LEMD3: variants seen among roughly 807,000 people sequenced by gnomAD.
LEMD3 encodes LEM domain containing 3.
LEMD3 carries 33 observed loss-of-function variants against 95.2 expected under a neutral mutation model. The observed-to-expected ratio is 0.35, with a 90% CI of 0.26 to 0.46. The LOEUF (loss-of-function observed/expected upper bound fraction) is 0.46. Among genes scored for constraint, LEMD3 ranks in the 20% least tolerant of loss-of-function variants. LEMD3 has a pLI of 1.00. For synonymous variants in LEMD3, 525 were observed against 474.6 expected (o/e 1.11, Z -1.38); for missense variants, 1,210 against 1,192.8 (o/e 1.01, Z -0.21).
intron 1 of LEMD3, among the ~76,000 whole-genome samples, chr12:65,187,482 T>A (rs986244663): frequency 2.0e-5 from 3 of 152,080 alleles, no homozygotes; most frequent in Non-Finnish European, 2.9e-5. Flanking sequence ...CAGATTTGAG[T>A]GCAGATAATC....
intron 1 of LEMD3, among the ~76,000 whole-genome samples, chr12:65,180,750 G>A (rs1255529884): frequency 6.6e-6 from 1 of 152,118 alleles, no homozygotes; most frequent in African/African-American, 2.4e-5. Flanking sequence ...CATCTTTACA[G>A]CTATGTTACT....
At chr12:65,174,208 AT>A (rs544030046) in intron 1 of LEMD3, among the ~76,000 whole-genome samples, 1 of 152,042 alleles carries the variant, frequency 6.6e-6, no homozygotes, top group African/African-American at 2.4e-5. Context: ...TCAATGCCCT[AT>A]TTTTTTATTA....
chr12:65,189,564 A>T (rs139050998), intron 1 of LEMD3, among the ~76,000 whole-genome samples: 4,031 of 152,320 alleles, frequency 0.026, 146 homozygotes, highest in Admixed American at 0.1. Context: ...GTTTATAGAT[A>T]CAATGTCAAG....
intron 1 of LEMD3, among the ~76,000 whole-genome samples, chr12:65,205,028 C>G (rs1403350860): frequency 6.6e-6 from 1 of 152,032 alleles, no homozygotes; most frequent in Non-Finnish European, 1.5e-5. Flanking sequence ...CTAGGAAGGC[C>G]TCAGGAAATT....
At chr12:65,236,016 C>T (rs1870762663) in intron 4 of LEMD3, among the ~76,000 whole-genome samples, 1 of 152,100 alleles carries the variant, frequency 6.6e-6, no homozygotes, top group Non-Finnish European at 1.5e-5. Context: ...TGATGCCTAA[C>T]AAGATTAGTT....
intron 1 of LEMD3, 55 bp downstream of exon 1, chr12:65,171,173 CTTTAGCCGCGCTTAGCGTTTTACA>C: frequency 6.2e-7 from 1 of 1,600,296 alleles, no homozygotes; most frequent in Non-Finnish European, 8.5e-7. Context: ...TAGTGGTCCG[CTTTAGCCGCGCTTAGCGTTTTACA>C]TGAAGTGACT....
chr12:65,204,495 G>T (rs1451585028), intron 1 of LEMD3, among the ~76,000 whole-genome samples: 4 of 152,124 alleles, frequency 2.6e-5, no homozygotes, highest in Non-Finnish European at 4.4e-5. Flanking sequence ...CCACGTCCCT[G>T]CAAAGGACAT....
intron 1 of LEMD3, among the ~76,000 whole-genome samples, chr12:65,189,899 A>G (rs774493281): frequency 3.3e-5 from 5 of 152,066 alleles, no homozygotes; most frequent in African/African-American, 4.8e-5. Context: ...CGTAATACCT[A>G]TAGATTTGGA....
intron 1 of LEMD3, 98 bp from the exon 2 acceptor site, chr12:65,210,828 G>A: frequency 2.1e-6 from 2 of 935,548 alleles, no homozygotes; most frequent in East Asian, 2.4e-5. Flanking sequence ...TTTATATCCA[G>A]TTTTAGCAAA....
intron 4 of LEMD3, among the ~76,000 whole-genome samples, chr12:65,237,597 A>G (rs966701960): frequency 3.3e-5 from 5 of 152,178 alleles, no homozygotes; most frequent in African/African-American, 1.2e-4. Context: ...TAAAAATCAG[A>G]ATTTTTCAAA....
At chr12:65,201,280 A>G (rs899649829) in intron 1 of LEMD3, among the ~76,000 whole-genome samples, 5 of 152,090 alleles carry the variant, frequency 3.3e-5, no homozygotes, top group Admixed American at 1.3e-4. Flanking sequence ...TTCTGGGTCT[A>G]TTGCCTTTCC....
intron 1 of LEMD3, among the ~76,000 whole-genome samples, chr12:65,183,067 ATT>A (rs1868953714): frequency 6.6e-6 from 1 of 152,116 alleles, no homozygotes; most frequent in Non-Finnish European, 1.5e-5. Flanking sequence ...TTTCCATCCC[ATT>A]TTGCATTTGA....
chr12:65,234,417 A>AAC (rs1870716747), intron 4 of LEMD3, among the ~76,000 whole-genome samples: 2 of 152,202 alleles, frequency 1.3e-5, no homozygotes, highest in African/African-American at 4.8e-5. Flanking sequence ...CTACAGTATT[A>AAC]GCATCAACTA....
At chr12:65,197,945 C>T (rs1362097456) in intron 1 of LEMD3, among the ~76,000 whole-genome samples, 1 of 152,114 alleles carries the variant, frequency 6.6e-6, no homozygotes, top group Non-Finnish European at 1.5e-5. Flanking sequence ...TGGAGATAAT[C>T]ATTGAAGATG....
intron 1 of LEMD3, among the ~76,000 whole-genome samples, chr12:65,187,191 A>T (rs1869093366): frequency 6.6e-6 from 1 of 152,136 alleles, no homozygotes; most frequent in African/African-American, 2.4e-5. Flanking sequence ...AATATTAGCT[A>T]CTTTAGCTAC....
At chr12:65,188,907 G>A (rs1869149964) in intron 1 of LEMD3, among the ~76,000 whole-genome samples, 1 of 152,058 alleles carries the variant, frequency 6.6e-6, no homozygotes, top group South Asian at 2.1e-4. Context: ...CCAGGGAGAT[G>A]ACAATGGGCA....
chr12:65,244,286 C>CA (rs1049534146), intron 10 of LEMD3, among the ~76,000 whole-genome samples: 10 of 130,472 alleles, frequency 7.7e-5, no homozygotes, highest in African/African-American at 3.4e-4. Flanking sequence ...CACACACACA[C>CA]CCCCCCCACA....
chr12:65,238,630 T>C, intron 5 of LEMD3, 39 bp from the exon 6 acceptor site: 1 of 1,613,442 alleles, frequency 6.2e-7, no homozygotes, highest in Non-Finnish European at 8.5e-7. Flanking sequence ...GGAGAAATGG[T>C]TTTTGACTTT....
At chr12:65,176,155 C>T (rs372411708) in intron 1 of LEMD3, among the ~76,000 whole-genome samples, 2 of 152,316 alleles carry the variant, frequency 1.3e-5, no homozygotes, top group South Asian at 4.1e-4. Flanking sequence ...TACAGAGCAG[C>T]GTTTCTAAAG....
Sources: gnomAD v4.1 joint callset for allele counts (sites outside exome capture counted in the v4.1 genomes callset) on GRCh38, gnomAD v4.1.1 for gene constraint, MANE v1.5 for transcripts, NCBI Gene and HGNC (gene_info 2026-07-23, HGNC 2026-07-21) for gene names.